Variants in SUB1 observed in about 807,000 individuals in gnomAD.
SUB1 encodes the protein activated RNA polymerase II transcriptional coactivator p15.
In SUB1, 1 loss-of-function variant was observed where a neutral mutation model predicts 16.9. The observed-to-expected ratio is 0.06, with a 90% CI of 0.02 to 0.28. SUB1 has a LOEUF of 0.28. Among genes scored for constraint, SUB1 ranks in the 10% least tolerant of loss-of-function variants. The pLI, the probability that SUB1 is intolerant of heterozygous loss-of-function variation, is 1.00. For synonymous variants in SUB1, 51 were observed against 46.9 expected (o/e 1.09, Z -0.36); for missense variants, 84 against 145.2 (o/e 0.58, Z 2.16).
chr5:32,600,010 T>A (rs188799145), intron 4 of SUB1, among the ~76,000 whole-genome samples: 233 of 152,370 alleles, frequency 1.5e-3, no homozygotes, highest in Non-Finnish European at 2.9e-3. Flanking sequence ...TCACATTTTT[T>A]AACCATTTAT....
chr5:32,599,986 T>C (rs1222744184), intron 4 of SUB1, among the ~76,000 whole-genome samples: 1 of 152,250 alleles, frequency 6.6e-6, no homozygotes, highest in African/African-American at 2.4e-5. Context: ...CATCTTAAAC[T>C]GGAAAGACAT....
chr5:32,591,342 T>C (rs1738820188), intron 2 of SUB1: 1 of 463,568 alleles, frequency 2.2e-6, no homozygotes, highest in Non-Finnish European at 3.4e-6. Flanking sequence ...ATGCCTGAAG[T>C]GTCTTTTGGG....
intron 1 of SUB1, among the ~76,000 whole-genome samples, chr5:32,587,185 A>G (rs1289360761): frequency 6.6e-6 from 1 of 152,198 alleles, no homozygotes; most frequent in African/African-American, 2.4e-5. Flanking sequence ...GTCTGCTTGC[A>G]TAAATTCAAA....
At chr5:32,588,092 CGTTA>C (rs72050521) in intron 1 of SUB1, among the ~76,000 whole-genome samples, 19,903 of 152,044 alleles carry the variant, frequency 0.13, 3,284 homozygotes, top group African/African-American at 0.39. Context: ...AATAATTTTA[CGTTA>C]GTTCCAATCT....
At chr5:32,596,589 G>T (rs1264512233) in intron 3 of SUB1, 1 of 152,132 alleles carries the variant, frequency 6.6e-6, no homozygotes, top group South Asian at 2.1e-4. Flanking sequence ...TAGAGATTTA[G>T]AGTCTTCCCC....
intron 3 of SUB1, among the ~76,000 whole-genome samples, chr5:32,593,762 C>T (rs967504432): frequency 2.6e-5 from 4 of 152,004 alleles, no homozygotes; most frequent in Middle Eastern, 6.8e-3. Flanking sequence ...GCACGAATCT[C>T]GGCTCACTGC....
At chr5:32,586,991 T>C (rs532576922) in intron 1 of SUB1, among the ~76,000 whole-genome samples, 1 of 152,354 alleles carries the variant, frequency 6.6e-6, no homozygotes, top group South Asian at 2.1e-4. Flanking sequence ...AGATTATTTA[T>C]GATTTTTTTT....
chr5:32,594,756 A>G lies in SUB1; in HGVS notation c.195+3071A>G, dbSNP rs959462637. ...CTAGGTTGTGCGTTCCTTATTCCTT[A>G]TGAGAATCTAATGCCTGATGGTGGG... On this transcript the variant is annotated intron_variant, in intron 3 of 4. Coordinates refer to ENST00000265073, the MANE Select transcript of SUB1 (RefSeq NM_006713.4). 11 of 218,084 alleles carry G rather than the reference A, an allele frequency of 5.0e-5. No individual in the cohort carries two copies. In the South Asian group the frequency reaches 5.5e-4, roughly 11 times the overall value. The allele number at this position is 218,084 out of a possible 1,614,324, so 13.5% of individuals were successfully genotyped here.
At chr5:32,587,338 C>A (rs904687342) in intron 1 of SUB1, among the ~76,000 whole-genome samples, 2 of 152,122 alleles carry the variant, frequency 1.3e-5, no homozygotes, top group Admixed American at 6.6e-5. Context: ...TCTTGGAATT[C>A]CTTGAAATTT....
chr5:32,602,771 A>AT lies in SUB1; in HGVS notation c.*1693dup, dbSNP rs1319866721. 3.3e-5 allele frequency: 5 copies of AT among 152,516 alleles called. No homozygotes were observed. The highest frequency in any genetic ancestry group is 1.9e-4 in the East Asian group (1 of 5,206). 9.4% of individuals were successfully genotyped at this position (152,516 alleles called of 1,614,324 possible). On this transcript the variant is annotated 3_prime_UTR_variant, in exon 5 of 5. Coordinates refer to ENST00000265073, the MANE Select transcript of SUB1 (RefSeq NM_006713.4). ...AGGTACCAGTGTATTAAAAATGTGT[A>AT]TTTTTTGCAGCCCCTTGAACCAGAG...
chr5:32,592,778 T>G (rs1300859531), intron 3 of SUB1, among the ~76,000 whole-genome samples: 1 of 152,074 alleles, frequency 6.6e-6, no homozygotes, highest in African/African-American at 2.4e-5. Context: ...CATGTGGGAT[T>G]ATCAGCATGG....
chr5:32,600,101 C>T (rs1579519494), intron 4 of SUB1, among the ~76,000 whole-genome samples: 1 of 152,278 alleles, frequency 6.6e-6, no homozygotes, highest in East Asian at 1.9e-4. Context: ...TGCCATTTTA[C>T]TGGTGAGGAA....
chr5:32,599,228 A>T lies in SUB1; in HGVS notation c.304+159A>T, dbSNP rs536102416. On this transcript the variant is annotated intron_variant, in intron 4 of 4. Coordinates refer to ENST00000265073, the MANE Select transcript of SUB1 (RefSeq NM_006713.4). ...AGTTATTTTGGACATGATACTTAAC[A>T]TTTTTTTAATGAGATGTCTTAATAC... Among the ~76,000 whole-genome samples, 12 of 152,284 alleles carry T rather than the reference A, an allele frequency of 7.9e-5. No homozygotes were observed. The East Asian group carries it at 1.7e-3, about 22-fold the overall frequency.
At chr5:32,591,307 C>T (rs920956054) in intron 2 of SUB1, 18 of 289,914 alleles carry the variant, frequency 6.2e-5, no homozygotes, top group Middle Eastern at 1.1e-3. Flanking sequence ...ACAAAATAAC[C>T]GTTCCTGTGG....
intron 2 of SUB1, 105 bp downstream of exon 2, chr5:32,588,689 T>C: frequency 8.4e-7 from 1 of 1,187,202 alleles, no homozygotes; most frequent in Non-Finnish European, 1.2e-6. Context: ...AATGAGGATC[T>C]AGCTGGGCGC....
At position 32,588,812 on chromosome 5, in the gene SUB1, AAAAT is replaced by A. The variant is rs1024351617; in HGVS notation, c.72+240_72+243del. ...CATAGCAAGAACCTGTCTCTTTAAA[AAAAT>A]AAATAAATAAAAAATAAAAAATAAG... On this transcript the variant is annotated intron_variant, in intron 2 of 4. Transcript: ENST00000265073. Among the ~76,000 whole-genome samples the A allele has an allele frequency of 6.2e-4, 94 of 152,278 alleles. 1 individual carries two copies. The Middle Eastern group carries it at 0.017, about 28-fold the overall frequency.
intron 1 of SUB1, chr5:32,586,090 G>C (rs964516088): frequency 3.3e-5 from 5 of 152,300 alleles, no homozygotes; most frequent in Non-Finnish European, 5.9e-5. Flanking sequence ...TGATGTGCAG[G>C]GGGAGGGAAC....
intron 1 of SUB1, among the ~76,000 whole-genome samples, chr5:32,587,177 C>G (rs1296446423): frequency 6.6e-6 from 1 of 152,152 alleles, no homozygotes; most frequent in African/African-American, 2.4e-5. Flanking sequence ...TCGCCAAGGT[C>G]TGCTTGCATA....
At chr5:32,593,521 GATTCT>G (rs1326875792) in intron 3 of SUB1, among the ~76,000 whole-genome samples, 11 of 152,066 alleles carry the variant, frequency 7.2e-5, no homozygotes, top group African/African-American at 2.7e-4. Context: ...ACATTTTAGA[GATTCT>G]GTTCTGTTAA....
Sources: gnomAD v4.1 joint callset for allele counts (sites outside exome capture counted in the v4.1 genomes callset) on GRCh38, gnomAD v4.1.1 for gene constraint, MANE v1.5 for transcripts, NCBI Gene and HGNC (gene_info 2026-07-23, HGNC 2026-07-21) for gene names.